ADAM32: variants seen among roughly 807,000 people sequenced by gnomAD.
The protein encoded by ADAM32 is disintegrin and metalloproteinase domain-containing protein 32.
ADAM32 carries 89 observed loss-of-function variants against 114.9 expected under a neutral mutation model. The observed-to-expected ratio is 0.77, with a 90% CI of 0.65 to 0.92. The LOEUF (loss-of-function observed/expected upper bound fraction) is 0.92, where lower values mean the gene tolerates loss of function less well. ADAM32 is among the 40% of genes least tolerant of loss of function. The pLI is 0.00. For synonymous variants in ADAM32, 285 were observed against 307.5 expected (o/e 0.93, Z 0.77); for missense variants, 870 against 932.8 (o/e 0.93, Z 0.88).
At chr8:39,221,499 A>G in intron 12 of ADAM32, 111 bp from the exon 13 acceptor site, 1 of 779,554 alleles carries the variant, frequency 1.3e-6, no homozygotes, top group South Asian at 1.7e-5. Context: ...TATCAGCAGC[A>G]TTCATATCCT....
chr8:39,142,993 G>A (rs889138944), intron 3 of ADAM32, among the ~76,000 whole-genome samples: 1 of 151,722 alleles, frequency 6.6e-6, no homozygotes, highest in African/African-American at 2.4e-5. Context: ...CCACTTGATC[G>A]AATCGGCTAT....
intron 12 of ADAM32, among the ~76,000 whole-genome samples, chr8:39,215,597 T>C (rs1279338659): frequency 3.3e-5 from 5 of 152,028 alleles, no homozygotes; most frequent in African/African-American, 1.2e-4. Context: ...CCATTATCAT[T>C]TGTTTCAAGA....
chr8:39,228,593 A>G (rs1437241426), intron 14 of ADAM32, among the ~76,000 whole-genome samples: 1 of 152,194 alleles, frequency 6.6e-6, no homozygotes, highest in Non-Finnish European at 1.5e-5. Flanking sequence ...CAGAGCTCAA[A>G]GATATGGTCT....
At chr8:39,107,530 G>A, upstream of ADAM32, 1 of 1,129,342 alleles carries the variant, frequency 8.9e-7, no homozygotes, top group Non-Finnish European at 1.2e-6. Flanking sequence ...TGGGTGGTCA[G>A]TGGCTCCAGC....
chr8:39,107,830 C>T lies in ADAM32; in HGVS notation c.55C>T (p.Pro19Ser), dbSNP rs1433245663. The T allele has an allele frequency of 1.3e-6, 2 of 1,545,198 alleles. No individual in the cohort carries two copies. Among genetic ancestry groups the T allele is most frequent in the South Asian group, 1.2e-5 (1 of 83,434 alleles). ...GCTCTGCGGCCTCCTGGCGTCAAGA[C>T]CCGGTGAGCCAGCCCAGACCCTGAC... is the stretch of plus-strand genomic sequence containing the variant. ...AGLCGLLASRPGFQNSLLQIV... is the reference protein window; with the variant it reads ...AGLCGLLASRSGFQNSLLQIV... Residue 19 changes from proline to serine, a missense_variant, in exon 1 of 25, where the codon CCC (proline) becomes TCC (serine). Physicochemically the swap from Pro to Ser is moderately conservative, Grantham distance 74 (BLOSUM62 -1). Coordinates refer to ENST00000379907, the MANE Select transcript of ADAM32 (RefSeq NM_145004.7).
At chr8:39,198,154 C>G (rs1038086343) in intron 11 of ADAM32, among the ~76,000 whole-genome samples, 5 of 146,692 alleles carry the variant, frequency 3.4e-5, no homozygotes, top group Non-Finnish European at 7.6e-5. Flanking sequence ...CTTTTGGTTT[C>G]TGTTTGTGCA....
chr8:39,186,842 A>C (rs999461006), intron 10 of ADAM32, 67 bp from the exon 11 acceptor site: 1 of 1,290,218 alleles, frequency 7.8e-7, no homozygotes, highest in Non-Finnish European at 1.1e-6. Context: ...ATTCATAATT[A>C]GAAAATTATT....
intron 10 of ADAM32, among the ~76,000 whole-genome samples, chr8:39,176,872 G>A (rs1030754975): frequency 3.9e-5 from 6 of 152,172 alleles, no homozygotes; most frequent in African/African-American, 1.4e-4. Context: ...GGGTACTCCT[G>A]TATCGGGTGC....
At chr8:39,275,749 G>T in intron 21 of ADAM32, 79 bp from the exon 22 acceptor site, 1 of 1,346,434 alleles carries the variant, frequency 7.4e-7, no homozygotes, top group Non-Finnish European at 1.0e-6. Context: ...GTTGTAAAAT[G>T]ATCCGACATT....
At chr8:39,195,327 A>T (rs988398291) in intron 11 of ADAM32, among the ~76,000 whole-genome samples, 3 of 152,070 alleles carry the variant, frequency 2.0e-5, no homozygotes, top group African/African-American at 7.2e-5. Flanking sequence ...TATATTCTGG[A>T]TATTAACCAC....
chr8:39,230,352 G>A (rs935221352), intron 14 of ADAM32, among the ~76,000 whole-genome samples: 3 of 152,164 alleles, frequency 2.0e-5, no homozygotes, highest in South Asian at 2.1e-4. Flanking sequence ...GGGAGAGAGC[G>A]TTTAAGGGAG....
chr8:39,225,368 C>A (rs1041593912), intron 14 of ADAM32, among the ~76,000 whole-genome samples: 3 of 152,176 alleles, frequency 2.0e-5, no homozygotes, highest in African/African-American at 7.2e-5. Context: ...TATGTGGAAG[C>A]AGGGCTGTCT....
intron 1 of ADAM32, among the ~76,000 whole-genome samples, chr8:39,111,295 C>T (rs1399001335): frequency 6.6e-6 from 1 of 152,164 alleles, no homozygotes; most frequent in African/African-American, 2.4e-5. Context: ...TAGGTATGTC[C>T]ATTTCCTCTT....
intron 1 of ADAM32, among the ~76,000 whole-genome samples, chr8:39,111,718 CTCAA>C (rs1564418526): frequency 3.0e-5 from 1 of 33,544 alleles, no homozygotes. Context: ...AAGACTCTTT[CTCAA>C]AAAAAAAAAA....
intron 12 of ADAM32, among the ~76,000 whole-genome samples, chr8:39,216,471 C>T (rs118158319): frequency 0.018 from 2,739 of 151,658 alleles, 42 homozygotes; most frequent in Non-Finnish European, 0.027. Context: ...CCTTTCCTTT[C>T]CCCTTTCTCC....
At chr8:39,238,028 C>T (rs528886779) in intron 16 of ADAM32, among the ~76,000 whole-genome samples, 16 of 152,220 alleles carry the variant, frequency 1.1e-4, no homozygotes, top group Non-Finnish European at 2.2e-4. Flanking sequence ...AAGGAAAAAA[C>T]AACAGCTAAT....
chr8:39,160,279 G>A (rs1385681836), intron 6 of ADAM32, among the ~76,000 whole-genome samples: 2 of 152,160 alleles, frequency 1.3e-5, no homozygotes, highest in Non-Finnish European at 2.9e-5. Context: ...GGTGGCTCAC[G>A]CCTGTAATCC....
At chr8:39,129,955 C>CTTTTTT in intron 2 of ADAM32, 1 of 243,888 alleles carries the variant, frequency 4.1e-6, no homozygotes, top group Non-Finnish European at 8.0e-6. Flanking sequence ...ATCACATTTC[C>CTTTTTT]TTTTTTTTTT....
At chr8:39,154,316 T>G (rs921519281) in intron 6 of ADAM32, among the ~76,000 whole-genome samples, 2 of 152,148 alleles carry the variant, frequency 1.3e-5, no homozygotes, top group Non-Finnish European at 2.9e-5. Flanking sequence ...TGTGTTAGTT[T>G]GCTGAGAATG....
Sources: gnomAD v4.1 joint callset for allele counts (sites outside exome capture counted in the v4.1 genomes callset) on GRCh38, gnomAD v4.1.1 for gene constraint, MANE v1.5 for transcripts, NCBI Gene and HGNC (gene_info 2026-07-23, HGNC 2026-07-21) for gene names.